Variants in GPR158 observed in about 807,000 individuals in gnomAD.
GPR158 encodes the protein metabotropic glycine receptor.
Under a neutral mutation model 78.2 loss-of-function variants are expected in GPR158, and 30 were observed. The ratio of observed to expected loss-of-function variants is 0.38; its 90% CI spans 0.29 to 0.52. GPR158 has a LOEUF of 0.52. GPR158 is among the 20% of genes least tolerant of loss of function. The pLI is 0.83. For synonymous variants in GPR158, 581 were observed against 591.1 expected, an observed-to-expected ratio of 0.98 and a Z score of 0.25; for missense variants, 1,463 against 1,523.5, an observed-to-expected ratio of 0.96 and a Z score of 0.66.
intron 4 of GPR158, among the ~76,000 whole-genome samples, chr10:25,416,799 A>G (rs1834667491): frequency 6.6e-6 from 1 of 152,204 alleles, no homozygotes; most frequent in African/African-American, 2.4e-5. Context: ...TGAAAAGTTT[A>G]TGCATGTATA....
chr10:25,486,382 C>T (rs964040186), intron 5 of GPR158, among the ~76,000 whole-genome samples: 5 of 13,618 alleles, frequency 3.7e-4, no homozygotes, highest in East Asian at 0.17. Context: ...CTAGCTGTGT[C>T]GTTGGGTTAG....
In GPR158 at chr10:25,305,958, C is replaced by T. The variant is rs76940544; in HGVS notation, c.1008+84801C>T. On this transcript the variant is annotated intron_variant, in intron 2 of 10. Coordinates refer to ENST00000376351, the MANE Select transcript of GPR158 (RefSeq NM_020752.3). ...TTATTACAAGCAATTAAAAACATGG[C>T]GTTAATGATTCATGTATTTTCATTT... Among the ~76,000 whole-genome samples, 327 of 152,222 alleles carry T rather than the reference C, an allele frequency of 2.1e-3. 2 individuals carry two copies. The highest frequency in any genetic ancestry group is 7.6e-3 in the African/African-American group (317 of 41,530).
At chr10:25,537,818 C>T (rs1251256593) in intron 5 of GPR158, among the ~76,000 whole-genome samples, 2 of 152,130 alleles carry the variant, frequency 1.3e-5, no homozygotes, top group Non-Finnish European at 2.9e-5. Flanking sequence ...AGCACCTCCT[C>T]TTTCACTCCC....
At chr10:25,490,310 A>G (rs1835788964) in intron 5 of GPR158, among the ~76,000 whole-genome samples, 1 of 150,910 alleles carries the variant, frequency 6.6e-6, no homozygotes, top group Non-Finnish European at 1.5e-5. Context: ...TTTTAATTAT[A>G]CTTTAAGTTT....
Position 25,601,827 on chromosome 10 carries a change from G to T in GPR158, c.*2553G>T, listed in dbSNP as rs991209419. The T allele has an allele frequency of 1.2e-4, 19 of 152,530 alleles. No individual in the cohort carries two copies. Among genetic ancestry groups the T allele is most frequent in the African/African-American group, 4.3e-4 (18 of 41,408 alleles). The allele number at this position is 152,530 out of a possible 1,614,324, so 9.4% of individuals were successfully genotyped here. A position where few individuals can be genotyped will look rare whatever the true frequency, so the allele number is the denominator to read the frequency against. On this transcript the variant is annotated 3_prime_UTR_variant, in exon 11 of 11. Transcript: ENST00000376351. ...ATCCTGTCCTTGTTTTTAAGCCAGG[G>T]TTTATAAATAAGTAGATTTATACCA...
intron 2 of GPR158, among the ~76,000 whole-genome samples, chr10:25,253,083 G>GC (rs1283112332): frequency 6.6e-6 from 1 of 152,108 alleles, no homozygotes; most frequent in Non-Finnish European, 1.5e-5. Context: ...TTTTCCAGGT[G>GC]CGTCCGTCAC....
chr10:25,503,795 C>T (rs1002902517), intron 5 of GPR158, among the ~76,000 whole-genome samples: 1 of 152,106 alleles, frequency 6.6e-6, no homozygotes, highest in Non-Finnish European at 1.5e-5. Flanking sequence ...TCTCTCTTTG[C>T]ATGCTATTTC....
rs76505115 is a variant in GPR158 at position 25,494,385 on chromosome 10, G to A, written c.1404+27666G>A. ...TATGTTTTATTAAGAAGTTTATTCAGTGTAAAGCTATATGAAGAAAAAAGT... is the reference window on the plus strand; with the variant it reads ...TATGTTTTATTAAGAAGTTTATTCAATGTAAAGCTATATGAAGAAAAAAGT... On this transcript the variant is annotated intron_variant, in intron 5 of 10. Coordinates refer to ENST00000376351, the MANE Select transcript of GPR158 (RefSeq NM_020752.3). Among the ~76,000 whole-genome samples, 393 of 152,206 alleles carry A rather than the reference G, an allele frequency of 2.6e-3. 4 individuals are homozygous for A. The East Asian group carries it at 0.049, about 19-fold the overall frequency.
chr10:25,398,509 T>G (rs151326118), intron 3 of GPR158, among the ~76,000 whole-genome samples: 6 of 152,366 alleles, frequency 3.9e-5, no homozygotes, highest in Non-Finnish European at 7.3e-5. Context: ...GCTCCCACTA[T>G]GTGACTGAAA....
intron 2 of GPR158, among the ~76,000 whole-genome samples, chr10:25,360,361 T>C (rs1855616773): frequency 6.6e-6 from 1 of 150,570 alleles, no homozygotes; most frequent in African/African-American, 2.4e-5. Flanking sequence ...CTAGGTTTTC[T>C]TCTAGGGTTT....
chr10:25,263,975 C>A (rs2130736122), intron 2 of GPR158, among the ~76,000 whole-genome samples: 1 of 152,218 alleles, frequency 6.6e-6, no homozygotes, highest in South Asian at 2.1e-4. Flanking sequence ...TTAATGCCAT[C>A]TTTTGGTATT....
rs147086578 is a variant in GPR158 at position 25,331,657 on chromosome 10, C to T, written c.1009-64254C>T. 3.8e-4 allele frequency among the ~76,000 whole-genome samples: 58 copies of T among 152,262 alleles called. No individual in the cohort carries two copies. In the East Asian group the frequency reaches 0.01, roughly 27 times the overall value. ...AATGACTCTGTAAATATCTGGTCAC[C>T]GCTGCCTATGGCTTTCATCGGTATA... On this transcript the variant is annotated intron_variant, in intron 2 of 10. Transcript: ENST00000376351.
At chr10:25,370,565 G>A (rs570133865) in intron 2 of GPR158, among the ~76,000 whole-genome samples, 29 of 144,074 alleles carry the variant, frequency 2.0e-4, no homozygotes, top group Admixed American at 9.1e-4. Context: ...TTTTACATTT[G>A]CTGAGGAGAG....
intron 6 of GPR158, among the ~76,000 whole-genome samples, chr10:25,552,812 C>T (rs141442203): frequency 1.2e-3 from 180 of 152,262 alleles, no homozygotes; most frequent in African/African-American, 4.3e-3. Context: ...CTGTGGTCTG[C>T]GAGAGTATGT....
At chr10:25,353,546 T>G (rs1029791044) in intron 2 of GPR158, among the ~76,000 whole-genome samples, 1 of 152,072 alleles carries the variant, frequency 6.6e-6, no homozygotes. Context: ...GCTCTGAACG[T>G]CTACCTCTTG....
intron 5 of GPR158, among the ~76,000 whole-genome samples, chr10:25,541,934 T>C (rs1836592189): frequency 6.8e-6 from 1 of 147,668 alleles, no homozygotes; most frequent in Non-Finnish European, 1.5e-5. Context: ...TTATATATTA[T>C]ATTTTATATA....
intron 2 of GPR158, among the ~76,000 whole-genome samples, chr10:25,260,639 A>T (rs926807311): frequency 6.6e-6 from 1 of 151,480 alleles, no homozygotes; most frequent in Non-Finnish European, 1.5e-5. Flanking sequence ...TGTTCTTAGG[A>T]TGTCACCCTT....
intron 2 of GPR158, among the ~76,000 whole-genome samples, chr10:25,360,854 G>C (rs562343882): frequency 9.0e-4 from 137 of 152,190 alleles, no homozygotes; most frequent in African/African-American, 3.1e-3. Flanking sequence ...ACTTTGGGCA[G>C]TGTGGCCATT....
At chr10:25,557,739 AC>A (rs1190031204) in intron 6 of GPR158, among the ~76,000 whole-genome samples, 1 of 152,252 alleles carries the variant, frequency 6.6e-6, no homozygotes, top group Non-Finnish European at 1.5e-5. Flanking sequence ...ATATAAGCAT[AC>A]TGACAAGACA....
Sources: gnomAD v4.1 joint callset for allele counts (sites outside exome capture counted in the v4.1 genomes callset) on GRCh38, gnomAD v4.1.1 for gene constraint, MANE v1.5 for transcripts, NCBI Gene and HGNC (gene_info 2026-07-23, HGNC 2026-07-21) for gene names.